The following TRIM25 variants were observed in gnomAD, a reference collection of about 807,000 sequenced individuals.
TRIM25 encodes tripartite motif containing 25.
In TRIM25, 45 loss-of-function variants were observed where a neutral mutation model predicts 65.2. The observed-to-expected ratio is 0.69, with a 90% CI of 0.54 to 0.89. The LOEUF is 0.89. TRIM25 is among the 40% of genes least tolerant of loss of function. The probability of loss-of-function intolerance (pLI) is 0.00; values close to 1 mark genes in which losing one functional copy is unlikely to be tolerated. For synonymous variants in TRIM25, 321 were observed against 340.4 expected (o/e 0.94, Z 0.63); for missense variants, 714 against 803.7 (o/e 0.89, Z 1.35).
intron 4 of TRIM25, among the ~76,000 whole-genome samples, chr17:56,900,960 C>T (rs1298888270): frequency 2.0e-5 from 3 of 152,152 alleles, no homozygotes; most frequent in Non-Finnish European, 4.4e-5. Flanking sequence ...CAATGGAGAA[C>T]AGGCAAGCAG....
At position 56,888,440 on chromosome 17, in the gene TRIM25, CA is replaced by C. The variant is rs1444627159; in HGVS notation, c.*3259del. ...CCTGGAACTCCTACCCCAATTGAAA[CA>C]AGGATAAAATCCACTGAACATGGAG... is the stretch of plus-strand genomic sequence containing the variant. On this transcript the variant is annotated 3_prime_UTR_variant, in exon 9 of 9. Transcript: ENST00000316881. The C allele has an allele frequency of 3.3e-5, 5 of 152,096 alleles. No homozygotes were observed. Among genetic ancestry groups the C allele is most frequent in the African/African-American group, 1.2e-4 (5 of 41,420 alleles). The allele number at this position is 152,096 out of a possible 1,614,324, so 9.4% of individuals were successfully genotyped here. A position where few individuals can be genotyped will look rare whatever the true frequency, so the allele number is the denominator to read the frequency against.
chr17:56,909,296 A>G (rs563253549), intron 1 of TRIM25, among the ~76,000 whole-genome samples: 6 of 152,234 alleles, frequency 3.9e-5, no homozygotes, highest in East Asian at 1.9e-4. Flanking sequence ...ATCCCAGAAC[A>G]AGGCTGGGAG....
Position 56,890,746 on chromosome 17 carries a change from T to C in TRIM25, c.*954A>G, listed in dbSNP as rs144635180. 19 of 448,314 alleles carry C rather than the reference T, an allele frequency of 4.2e-5. No homozygotes were observed. The East Asian group carries it at 1.2e-3, about 29-fold the overall frequency. 27.8% of individuals were successfully genotyped at this position (448,314 alleles called of 1,614,324 possible). ...GAAGAGAGGCTATCACCGAGAAGAG[T>C]TGTCAGTAAGAAGGCAGGACACTCT... On this transcript the variant is annotated 3_prime_UTR_variant, in exon 9 of 9. Coordinates refer to ENST00000316881, the MANE Select transcript of TRIM25 (RefSeq NM_005082.5).
intron 1 of TRIM25, among the ~76,000 whole-genome samples, chr17:56,912,581 G>A (rs1433456678): frequency 6.6e-6 from 1 of 152,110 alleles, no homozygotes; most frequent in African/African-American, 2.4e-5. Flanking sequence ...ACTGTTTGGT[G>A]CTCCGGACTC....
chr17:56,908,488 T>G lies in TRIM25; in HGVS notation c.673A>C (p.Asn225His), dbSNP rs1319666337. Reference protein sequence around the residue: ...GASRALDDVRNRQQDVRMTAN... With the variant: ...GASRALDDVRHRQQDVRMTAN... ...CTCACCCGCACATCCTGCTGCCTGT[T>G]TCTCACATCATCCAGTGCTCTCGAC... is the stretch of plus-strand genomic sequence containing the variant. Residue 225 changes from asparagine to histidine, a missense_variant, in exon 2 of 9, where the codon AAC becomes CAC. This residue lies in a region of TRIM25 where 413 missense variants were observed against 498.2 expected (regional missense o/e 0.83). Transcript: ENST00000316881. 2 of 1,614,052 alleles carry G rather than the reference T, an allele frequency of 1.2e-6. No individual in the cohort carries two copies. The highest frequency in any genetic ancestry group is 2.2e-5 in the East Asian group (1 of 44,878).
intron 2 of TRIM25, among the ~76,000 whole-genome samples, chr17:56,906,559 C>T (rs1361452932): frequency 3.3e-5 from 5 of 151,920 alleles, no homozygotes; most frequent in Admixed American, 2.6e-4. Flanking sequence ...AATGACATGA[C>T]CTCGGCTCAC....
intron 1 of TRIM25, among the ~76,000 whole-genome samples, chr17:56,911,495 G>T (rs1250652387): frequency 6.6e-6 from 1 of 151,316 alleles, no homozygotes; most frequent in Non-Finnish European, 1.5e-5. Flanking sequence ...CAGGAGAATC[G>T]CTTGAACTCG....
intron 3 of TRIM25, among the ~76,000 whole-genome samples, chr17:56,902,974 C>T (rs1217970345): frequency 6.6e-6 from 1 of 152,198 alleles, no homozygotes; most frequent in Non-Finnish European, 1.5e-5. Flanking sequence ...CATGCCTGCT[C>T]CCAGCTTCAC....
chr17:56,895,194 C>A lies in TRIM25; in HGVS notation c.1363+149G>T. 2 of 623,308 alleles carry A rather than the reference C, an allele frequency of 3.2e-6. 1 individual carries two copies. Among genetic ancestry groups the A allele is most frequent in the Middle Eastern group, 8.7e-4 (2 of 2,302 alleles). The allele number at this position is 623,308 out of a possible 1,614,324, so 38.6% of individuals were successfully genotyped here. On this transcript the variant is annotated intron_variant, in intron 8 of 8. Transcript: ENST00000316881. ...GAAAAGTAAAGAAAGGCACTGATGA[C>A]TGGGAGAAAATAAGGGAGCAACAAA... is the stretch of plus-strand genomic sequence containing the variant.
chr17:56,908,891 T>A (rs1909572879), intron 1 of TRIM25: 1 of 256,262 alleles, frequency 3.9e-6, no homozygotes, highest in Non-Finnish European at 7.7e-6. Context: ...TTGGGAGGAT[T>A]AATTGAAACA....
At chr17:56,904,637 C>T (rs1598077074) in intron 2 of TRIM25, 149 bp from the exon 3 acceptor site, 1 of 701,044 alleles carries the variant, frequency 1.4e-6, no homozygotes, top group East Asian at 2.6e-5. Context: ...TTGGCAATAT[C>T]TAATAAATTT....
At chr17:56,900,733 C>T (rs919664149) in intron 4 of TRIM25, among the ~76,000 whole-genome samples, 7 of 152,088 alleles carry the variant, frequency 4.6e-5, no homozygotes, top group Non-Finnish European at 1.0e-4. Flanking sequence ...GTGGGGGGCG[C>T]CTTGGGGCTG....
At position 56,898,945 on chromosome 17, in the gene TRIM25, G is replaced by C. The variant is rs571716345; in HGVS notation, c.1153+170C>G. 1,379 of 655,384 alleles carry C rather than the reference G, an allele frequency of 2.1e-3. 2 individuals are homozygous for C. Among genetic ancestry groups the C allele is most frequent in the Non-Finnish European group, 3.0e-3 (1,128 of 378,324 alleles). The allele number at this position is 655,384 out of a possible 1,614,324, so 40.6% of individuals were successfully genotyped here. A position where few individuals can be genotyped will look rare whatever the true frequency, so the allele number is the denominator to read the frequency against. ...AAACGTGCAATGCTGATGGACAGCGGAGCTTCTGCCACAGCCCTACAGCCC... is the reference window on the plus strand; with the variant it reads ...AAACGTGCAATGCTGATGGACAGCGCAGCTTCTGCCACAGCCCTACAGCCC... On this transcript the variant is annotated intron_variant, in intron 5 of 8. Coordinates refer to ENST00000316881, the MANE Select transcript of TRIM25 (RefSeq NM_005082.5).
intron 2 of TRIM25, among the ~76,000 whole-genome samples, chr17:56,907,338 A>G (rs1041643654): frequency 1.3e-4 from 20 of 152,334 alleles, no homozygotes; most frequent in African/African-American, 4.3e-4. Context: ...TTTCACGTGC[A>G]TTCTTTCATT....
chr17:56,891,700 C>T lies in TRIM25; in HGVS notation c.1893G>A (p.Ter631=). The T allele has an allele frequency of 6.2e-7, 1 of 1,610,506 alleles. No homozygotes were observed. The highest frequency in any genetic ancestry group is 8.5e-7 in the Non-Finnish European group (1 of 1,177,550). ...GTCAGCCCAAGTGCCTACAGCCTGC[C>T]TACTTGGGGGAGCAGATGGAGAGTG... ...GATLSICSPK[*] The change falls in exon 9 of 9, where the codon TAG becomes TAA. Residue 631 remains the stop codon, a stop_retained_variant. Coordinates refer to ENST00000316881, the MANE Select transcript of TRIM25 (RefSeq NM_005082.5).
chr17:56,901,551 T>C lies in TRIM25; in HGVS notation c.955A>G (p.Thr319Ala), dbSNP rs754110071. The C allele has an allele frequency of 8.7e-6, 14 of 1,614,024 alleles. No individual in the cohort carries two copies. The South Asian group carries it at 1.5e-4, about 18-fold the overall frequency. The change falls in exon 4 of 9, where the codon ACA (threonine) becomes GCA (alanine). Residue 319 changes from threonine (T) to alanine (A), a missense_variant. Physicochemically the swap from Thr to Ala is moderately conservative, Grantham distance 58 (BLOSUM62 0). Transcript: ENST00000316881. ...EKASKLRGIS[T>A]KPVYIPEVEL... ...ACCTCGGGGATGTAGACTGGCTTTG[T>C]TGAGATTCCTCGCAGTTTTGATGCT...
Position 56,892,039 on chromosome 17 carries a change from C to G in TRIM25, c.1554G>C (p.Leu518=), listed in dbSNP as rs1489234646. ...CTACCCCACAGAAGTTGTTCTTCTG[C>G]AGCTCCACCTCCCAGTAGTGGATCC... ...KKGIHYWEVE[L]QKNNFCGVGI... The change falls in exon 9 of 9, where the codon CTG becomes CTC. Residue 518 remains leucine (L), a synonymous_variant. Transcript: ENST00000316881. 6.2e-7 allele frequency: 1 copy of G among 1,614,188 alleles called. No individual in the cohort carries two copies. Among genetic ancestry groups the G allele is most frequent in the South Asian group, 1.1e-5 (1 of 91,086 alleles).
chr17:56,895,527 A>T lies in TRIM25; in HGVS notation c.1258T>A (p.Leu420Met). Residue 420 changes from leucine (L) to methionine (M), a missense_variant, in exon 7 of 9, where the codon TTG becomes ATG. Around this residue, in one of 3 missense-constraint regions of TRIM25, gnomAD observed 413 missense variants for 498.2 expected, o/e 0.83. Transcript: ENST00000316881. ...EQLVDLKQAG[L>M]EAAAKATSSH... is the part of the protein sequence containing the mutation. ...CTTGCCCATGATAACTTACCCTCCA[A>T]GCCAGCTTGTTTTAAATCCACTAAC... 6.2e-7 allele frequency: 1 copy of T among 1,610,314 alleles called. No individual in the cohort carries two copies. Among genetic ancestry groups the T allele is most frequent in the South Asian group, 1.1e-5 (1 of 90,730 alleles).
Position 56,890,968 on chromosome 17 carries a change from A to G in TRIM25, c.*732T>C, listed in dbSNP as rs111791086. ...CCACCCAAACTGGATCAGGGTCACC[A>G]TGACCCTGAATCACAAATCCAACAC... is the stretch of plus-strand genomic sequence containing the variant. On this transcript the variant is annotated 3_prime_UTR_variant, in exon 9 of 9. Coordinates refer to ENST00000316881, the MANE Select transcript of TRIM25 (RefSeq NM_005082.5). 9.6e-3 allele frequency: 4,296 copies of G among 448,608 alleles called. 153 individuals carry two copies. The highest frequency in any genetic ancestry group is 0.074 in the African/African-American group (3,704 of 49,962). The allele number at this position is 448,608 out of a possible 1,614,324, so 27.8% of individuals were successfully genotyped here. A position where few individuals can be genotyped will look rare whatever the true frequency, so the allele number is the denominator to read the frequency against.
Sources: gnomAD v4.1 joint callset for allele counts (sites outside exome capture counted in the v4.1 genomes callset) on GRCh38, gnomAD v4.1.1 for gene constraint, gnomAD v4.1.1 regional missense constraint, MANE v1.5 for transcripts, NCBI Gene and HGNC (gene_info 2026-07-23, HGNC 2026-07-21) for gene names.